Variants in SETBP1 observed in about 807,000 individuals in gnomAD.
The protein encoded by SETBP1 is SET binding protein 1.
Under a neutral mutation model 101.0 loss-of-function variants are expected in SETBP1, and 9 were observed. That is an observed-to-expected ratio of 0.09 (90% CI 0.05 to 0.16). The LOEUF is 0.16. Ranked by LOEUF, SETBP1 falls within the 10% of genes least tolerant of loss-of-function variation. SETBP1 has a pLI of 1.00. For missense variants in SETBP1, 1,858 were observed against 2,033.8 expected (o/e 0.91, Z 1.66); for synonymous variants, 818 against 788.5 (o/e 1.04, Z -0.63).
intron 3 of SETBP1, among the ~76,000 whole-genome samples, chr18:44,935,419 C>T (rs1407081697): frequency 6.6e-6 from 1 of 151,850 alleles, no homozygotes; most frequent in Non-Finnish European, 1.5e-5. Context: ...TTTCTTTTTC[C>T]TCTAATACCC....
intron 3 of SETBP1, among the ~76,000 whole-genome samples, chr18:44,901,518 C>T (rs2070045114): frequency 6.6e-6 from 1 of 152,140 alleles, no homozygotes; most frequent in South Asian, 2.1e-4. Flanking sequence ...ATGTGGGAGG[C>T]ATTTTCTTCC....
At chr18:44,794,607 G>T (rs569684951) in intron 2 of SETBP1, among the ~76,000 whole-genome samples, 1 of 152,224 alleles carries the variant, frequency 6.6e-6, no homozygotes, top group South Asian at 2.1e-4. Flanking sequence ...AAAGTAACCT[G>T]CTGGGAAGTC....
At chr18:44,866,221 C>G (rs988400619) in intron 2 of SETBP1, among the ~76,000 whole-genome samples, 1 of 152,184 alleles carries the variant, frequency 6.6e-6, no homozygotes, top group Non-Finnish European at 1.5e-5. Context: ...AAGAGCTTGT[C>G]CCCAGTGCCT....
chr18:44,913,482 C>T (rs142845972), intron 3 of SETBP1, among the ~76,000 whole-genome samples: 141 of 152,334 alleles, frequency 9.3e-4, no homozygotes, highest in Admixed American at 2.5e-3. Flanking sequence ...ATAGAGGGTG[C>T]AGGGCCAGCT....
chr18:45,029,437 A>G (rs1469210681), intron 4 of SETBP1, among the ~76,000 whole-genome samples: 1 of 152,120 alleles, frequency 6.6e-6, no homozygotes, highest in African/African-American at 2.4e-5. Context: ...GTTTGAAGTC[A>G]GGTAGCGTGA....
At chr18:44,911,860 G>T (rs1184804323) in intron 3 of SETBP1, among the ~76,000 whole-genome samples, 1 of 152,174 alleles carries the variant, frequency 6.6e-6, no homozygotes, top group Non-Finnish European at 1.5e-5. Flanking sequence ...AGATGTGTAA[G>T]CCTTCGTATT....
At chr18:44,927,740 G>A (rs920752404) in intron 3 of SETBP1, among the ~76,000 whole-genome samples, 18 of 152,296 alleles carry the variant, frequency 1.2e-4, no homozygotes, top group African/African-American at 3.6e-4. Flanking sequence ...TGGCATCACC[G>A]ATCAGGAGTT....
intron 4 of SETBP1, among the ~76,000 whole-genome samples, chr18:44,990,968 G>A (rs182415642): frequency 1.9e-3 from 277 of 149,248 alleles, no homozygotes; most frequent in African/African-American, 6.3e-3. Flanking sequence ...AAGAAGAAAC[G>A]GGATGGGAGT....
In SETBP1 at chr18:44,950,631, A is replaced by T; in HGVS notation, c.1291A>T (p.Ile431Phe). ...GTCCATTAAAGCGGTGGTGGAAAAG[A>T]TCATGCCAGAGAAAGCCTTGGCTTC... The part of the protein sequence containing the change: ...RQSIKAVVEK[I>F]MPEKALASGI... The change falls in exon 4 of 6, where the codon ATC becomes TTC. Residue 431 changes from isoleucine to phenylalanine, a missense_variant. This residue lies in a region of SETBP1 where 581 missense variants were observed against 535.1 expected (regional missense o/e 1.09). Transcript: ENST00000649279. 6.2e-7 allele frequency: 1 copy of T among 1,614,142 alleles called. No homozygotes were observed. Among genetic ancestry groups the T allele is most frequent in the Non-Finnish European group, 8.5e-7 (1 of 1,180,036 alleles).
At chr18:44,846,262 T>G (rs186111701) in intron 2 of SETBP1, among the ~76,000 whole-genome samples, 21 of 152,344 alleles carry the variant, frequency 1.4e-4, no homozygotes, top group African/African-American at 5.1e-4. Context: ...TCCCATAGTA[T>G]CTTTTCTTGA....
At chr18:44,986,732 T>C (rs2072244242) in intron 4 of SETBP1, 1 of 151,992 alleles carries the variant, frequency 6.6e-6, no homozygotes, top group African/African-American at 2.4e-5. Context: ...TCCACCTCCA[T>C]AGCTTGTCCC....
At chr18:44,828,494 T>C (rs988030878) in intron 2 of SETBP1, among the ~76,000 whole-genome samples, 4 of 152,388 alleles carry the variant, frequency 2.6e-5, no homozygotes, top group South Asian at 2.1e-4. Context: ...ATATTTTTTA[T>C]CTATTCCAAT....
At chr18:44,887,007 GTGT>G (rs2069664647) in intron 3 of SETBP1, among the ~76,000 whole-genome samples, 1 of 152,064 alleles carries the variant, frequency 6.6e-6, no homozygotes, top group Non-Finnish European at 1.5e-5. Context: ...TTAGTGAGTA[GTGT>G]CACTGTGTGG....
chr18:44,835,163 G>A (rs2072470160), intron 2 of SETBP1, among the ~76,000 whole-genome samples: 1 of 152,118 alleles, frequency 6.6e-6, no homozygotes, highest in South Asian at 2.1e-4. Flanking sequence ...GTTGGGAGAA[G>A]CAGCACAGGG....
chr18:45,064,298 T>C lies in SETBP1; in HGVS notation c.*600T>C, dbSNP rs2073939729. 6.6e-6 allele frequency: 1 copy of C among 152,384 alleles called. No individual in the cohort carries two copies. The highest frequency in any genetic ancestry group is 1.5e-5 in the Non-Finnish European group (1 of 68,154). The allele number at this position is 152,384 out of a possible 1,614,324, so 9.4% of individuals were successfully genotyped here. ...TGATCAGAAGGTGGAATTCTAGTGA[T>C]AGGCGACCTCAGACCCGCATTCATG... On this transcript the variant is annotated 3_prime_UTR_variant, in exon 6 of 6. Transcript: ENST00000649279.
chr18:44,735,195 G>A (rs2069936838), intron 2 of SETBP1, among the ~76,000 whole-genome samples: 1 of 152,360 alleles, frequency 6.6e-6, no homozygotes, highest in African/African-American at 2.4e-5. Flanking sequence ...TGTGCTTGAA[G>A]ATTCATCTGT....
chr18:44,712,637 G>A (rs2069370718), intron 2 of SETBP1, among the ~76,000 whole-genome samples: 2 of 152,106 alleles, frequency 1.3e-5, no homozygotes, highest in Admixed American at 1.3e-4. Context: ...TCAGGTTCCT[G>A]AACTAACCCA....
chr18:44,886,352 G>A (rs1010057023), intron 3 of SETBP1, among the ~76,000 whole-genome samples: 24 of 152,164 alleles, frequency 1.6e-4, no homozygotes, highest in African/African-American at 4.8e-4. Context: ...TTCAATATAG[G>A]TGTAGCACTT....
intron 2 of SETBP1, among the ~76,000 whole-genome samples, chr18:44,714,686 T>C (rs556231331): frequency 6.6e-6 from 1 of 151,940 alleles, no homozygotes; most frequent in African/African-American, 2.4e-5. Context: ...AGCATCTTAA[T>C]TCTAGAAGTA....
Sources: gnomAD v4.1 joint callset for allele counts (sites outside exome capture counted in the v4.1 genomes callset) on GRCh38, gnomAD v4.1.1 for gene constraint, gnomAD v4.1.1 regional missense constraint, MANE v1.5 for transcripts, NCBI Gene and HGNC (gene_info 2026-07-23, HGNC 2026-07-21) for gene names.